The following GOLGA1 variants were observed in gnomAD, a reference collection of about 807,000 sequenced individuals.
GOLGA1 encodes the protein golgin A1.
GOLGA1 carries 63 observed loss-of-function variants against 119.7 expected under a neutral mutation model. The ratio of observed to expected loss-of-function variants is 0.53; its 90% CI spans 0.43 to 0.65. GOLGA1 has a LOEUF of 0.65. Ranked by LOEUF, GOLGA1 falls within the 30% of genes least tolerant of loss-of-function variation. The pLI is 0.00. For synonymous variants in GOLGA1, 318 were observed against 333.4 expected, an observed-to-expected ratio of 0.95 and a Z score of 0.50; for missense variants, 798 against 912.8, an observed-to-expected ratio of 0.87 and a Z score of 1.62.
At chr9:124,935,088 T>C (rs191865285) in intron 3 of GOLGA1, among the ~76,000 whole-genome samples, 170 of 152,234 alleles carry the variant, frequency 1.1e-3, no homozygotes, top group African/African-American at 3.7e-3. Context: ...GGAACCCAGA[T>C]AGACTACAAG....
intron 7 of GOLGA1, among the ~76,000 whole-genome samples, chr9:124,924,240 T>C (rs1233319826): frequency 6.6e-6 from 1 of 151,978 alleles, no homozygotes; most frequent in Non-Finnish European, 1.5e-5. Flanking sequence ...TGAAAAAAAT[T>C]AAATGCACGT....
intron 19 of GOLGA1, among the ~76,000 whole-genome samples, chr9:124,885,253 G>T (rs1249927723): frequency 6.6e-6 from 1 of 151,966 alleles, no homozygotes; most frequent in Non-Finnish European, 1.5e-5. Flanking sequence ...GTTTGAACCC[G>T]GGAGGCGGAG....
chr9:124,917,700 G>A (rs1464221398), intron 10 of GOLGA1, among the ~76,000 whole-genome samples: 3 of 152,092 alleles, frequency 2.0e-5, no homozygotes, highest in Admixed American at 6.6e-5. Flanking sequence ...TTCCTTGAAT[G>A]TGCTAATCCT....
chr9:124,929,131 A>G (rs1420885420), intron 5 of GOLGA1, 85 bp downstream of exon 5: 2 of 773,572 alleles, frequency 2.6e-6, no homozygotes, highest in East Asian at 5.2e-5. Context: ...TGCTTTGAAG[A>G]AGGACAAACT....
intron 12 of GOLGA1, among the ~76,000 whole-genome samples, chr9:124,904,481 G>T (rs1408772726): frequency 6.6e-6 from 1 of 152,140 alleles, no homozygotes. Flanking sequence ...AAATAAGAAA[G>T]ATTTTAAAAA....
At chr9:124,926,947 G>C (rs1830686737) in intron 6 of GOLGA1, among the ~76,000 whole-genome samples, 1 of 152,126 alleles carries the variant, frequency 6.6e-6, no homozygotes, top group Non-Finnish European at 1.5e-5. Flanking sequence ...CTTTATCTAA[G>C]ATTCTAGAAT....
chr9:124,894,380 TTGTGTGTGTGTGTGTG>T (rs35289660), intron 15 of GOLGA1, among the ~76,000 whole-genome samples: 10 of 147,720 alleles, frequency 6.8e-5, no homozygotes, highest in Non-Finnish European at 1.0e-4. Context: ...ATTTAAAGTT[TTGTGTGTGTGTGTGTG>T]TGTGTGTGTG....
At chr9:124,895,935 AC>A (rs1179684968) in intron 15 of GOLGA1, among the ~76,000 whole-genome samples, 7 of 148,918 alleles carry the variant, frequency 4.7e-5, no homozygotes, top group Non-Finnish European at 8.8e-5. Flanking sequence ...ACCCTCCACA[AC>A]AGAGACCCTC....
Position 124,881,224 on chromosome 9 carries a change from G to A in GOLGA1, c.2170C>T (p.Leu724=), listed in dbSNP as rs1294699120. The change falls in exon 22 of 23, where the codon CTG becomes TTG. Residue 724 remains leucine, a synonymous_variant. Coordinates refer to ENST00000373555, the MANE Select transcript of GOLGA1 (RefSeq NM_002077.4). This position sits in a 1 kb window ranked among gnomAD's most constrained non-coding sequence, Gnocchi z 4.9. ...FHLIKAVSVL[L]NFSQEEENML... is the part of the protein sequence containing the mutation. ...TTCTCCTCCTCTTGGGAAAAGTTCA[G>A]CAACACTGACACAGCTTTTATAAGA... is the stretch of plus-strand genomic sequence containing the variant. The A allele has an allele frequency of 1.9e-6, 3 of 1,605,422 alleles. No homozygotes were observed. Among genetic ancestry groups the A allele is most frequent in the Non-Finnish European group, 2.6e-6 (3 of 1,172,140 alleles).
chr9:124,880,717 C>T (rs979644421), intron 22 of GOLGA1, 107 bp from the exon 23 acceptor site: 5 of 723,494 alleles, frequency 6.9e-6, no homozygotes, highest in Non-Finnish European at 1.3e-5. Flanking sequence ...GCCCCCCACA[C>T]ATCCTGCCTC....
intron 7 of GOLGA1, among the ~76,000 whole-genome samples, chr9:124,925,727 T>G (rs1279368704): frequency 6.6e-6 from 1 of 152,112 alleles, no homozygotes; most frequent in East Asian, 1.9e-4. Flanking sequence ...AAAAAGTTAA[T>G]GTATTCTCTC....
intron 6 of GOLGA1, among the ~76,000 whole-genome samples, chr9:124,927,891 CT>C (rs1004038743): frequency 3.7e-4 from 56 of 152,066 alleles, no homozygotes; most frequent in African/African-American, 1.3e-3. Context: ...GGGGAGAGAC[CT>C]TTTCTCTTAT....
At position 124,921,733 on chromosome 9, in the gene GOLGA1, C is replaced by A; in HGVS notation, c.721G>T (p.Glu241Ter). 6.2e-7 allele frequency: 1 copy of A among 1,613,214 alleles called. No individual in the cohort carries two copies. Among genetic ancestry groups the A allele is most frequent in the Non-Finnish European group, 8.5e-7 (1 of 1,179,436 alleles). Residue 241 changes from glutamate to a stop codon, truncating the protein, a stop_gained, in exon 9 of 23, where the codon GAA becomes TAA. Transcript: ENST00000373555. LOFTEE classifies it high-confidence loss of function. ...EELQRHYSTL[E>*]EQRDHVIASK... ...AGACCAAGCAAGAACCTCTGCTCTT[C>A]CAGCGTTGAGTAGTGTCTCTGCAAT...
chr9:124,930,273 T>A (rs1830749601), intron 4 of GOLGA1, among the ~76,000 whole-genome samples: 2 of 152,268 alleles, frequency 1.3e-5, no homozygotes, highest in South Asian at 2.1e-4. Flanking sequence ...ATTAAACAAA[T>A]GTAAAATTAC....
chr9:124,936,609 TAAA>T (rs763476641), intron 3 of GOLGA1, among the ~76,000 whole-genome samples: 1 of 127,098 alleles, frequency 7.9e-6, no homozygotes, highest in African/African-American at 2.9e-5. Context: ...CCAGGCAAAT[TAAA>T]AAAAAAAAAA....
At position 124,908,178 on chromosome 9, in the gene GOLGA1, G is replaced by C. The variant is rs556521383; in HGVS notation, c.1065+199C>G. Among the ~76,000 whole-genome samples the C allele has an allele frequency of 3.3e-5, 5 of 152,276 alleles. No individual in the cohort carries two copies. The East Asian group carries it at 9.6e-4, about 29-fold the overall frequency. On this transcript the variant is annotated intron_variant, in intron 12 of 22. Transcript: ENST00000373555. ...GAGGGAGGCCAATGGGGATAAAAGG[G>C]TATAAATAAACATATAACTCAATCA...
chr9:124,934,712 G>C (rs1358566349), intron 3 of GOLGA1, among the ~76,000 whole-genome samples: 1 of 152,110 alleles, frequency 6.6e-6, no homozygotes, highest in Admixed American at 6.5e-5. Flanking sequence ...AGTTTTATGA[G>C]TTTTAAGTAC....
At chr9:124,883,010 A>C (rs1407320593) in intron 19 of GOLGA1, among the ~76,000 whole-genome samples, 1 of 152,166 alleles carries the variant, frequency 6.6e-6, no homozygotes, top group Non-Finnish European at 1.5e-5. Context: ...ATACATGAAT[A>C]ATCTGCAATG....
At chr9:124,932,613 C>CATATT (rs1830789139) in intron 3 of GOLGA1, among the ~76,000 whole-genome samples, 2 of 152,212 alleles carry the variant, frequency 1.3e-5, no homozygotes, top group African/African-American at 4.8e-5. Flanking sequence ...CCCTAAAACA[C>CATATT]AGCCTGGCAC....
Sources: allele counts gnomAD v4.1 joint callset (sites outside exome capture counted in the v4.1 genomes callset), GRCh38; gene constraint gnomAD v4.1.1; non-coding constraint Gnocchi (gnomAD v3.1); transcripts MANE v1.5; gene names NCBI Gene and HGNC (gene_info 2026-07-23, HGNC 2026-07-21).